The following HEXB variants were observed in gnomAD, a reference collection of about 807,000 sequenced individuals.
HEXB encodes hexosaminidase subunit beta.
HEXB carries 51 observed loss-of-function variants against 71.2 expected under a neutral mutation model. The ratio of observed to expected loss-of-function variants is 0.72; its 90% CI spans 0.57 to 0.90. The LOEUF (loss-of-function observed/expected upper bound fraction) is 0.90. Among genes scored for constraint, HEXB ranks in the 40% least tolerant of loss-of-function variants. The pLI, the probability that HEXB is intolerant of heterozygous loss-of-function variation, is 0.00. For missense variants in HEXB, 617 were observed against 677.0 expected (o/e 0.91, Z 0.98); for synonymous variants, 266 against 249.3 (o/e 1.07, Z -0.63).
At chr5:74,715,447 G>A (rs1328399764) in intron 7 of HEXB, 63 bp from the exon 8 acceptor site, 1 of 1,144,180 alleles carries the variant, frequency 8.7e-7, no homozygotes, top group Non-Finnish European at 1.3e-6. Flanking sequence ...AAAATCATGT[G>A]GAAAACCAGA....
intron 1 of HEXB, among the ~76,000 whole-genome samples, chr5:74,686,839 G>A (rs1195342253): frequency 6.6e-6 from 1 of 152,148 alleles, no homozygotes; most frequent in Non-Finnish European, 1.5e-5. Context: ...TCATGACTAG[G>A]GTTGGAAATC....
At chr5:74,713,004 G>A (rs922987751) in intron 6 of HEXB, among the ~76,000 whole-genome samples, 3 of 152,038 alleles carry the variant, frequency 2.0e-5, no homozygotes, top group African/African-American at 7.2e-5. Context: ...GTCCTTTGAA[G>A]GACAACAGCT....
intron 1 of HEXB, among the ~76,000 whole-genome samples, chr5:74,675,208 C>T (rs1748609506): frequency 6.6e-6 from 1 of 152,144 alleles, no homozygotes; most frequent in Admixed American, 6.5e-5. Flanking sequence ...CTGCTGAAGG[C>T]AGGCCAGGGT....
At chr5:74,712,910 TGAGG>T (rs1749583076) in intron 6 of HEXB, among the ~76,000 whole-genome samples, 3 of 152,156 alleles carry the variant, frequency 2.0e-5, no homozygotes, top group Admixed American at 1.3e-4. Flanking sequence ...ATAAAGGGAC[TGAGG>T]TAATCATTAA....
intron 1 of HEXB, among the ~76,000 whole-genome samples, chr5:74,665,784 G>C (rs820856): frequency 0.27 from 40,745 of 151,992 alleles, 5,611 homozygotes; most frequent in Non-Finnish European, 0.3. Flanking sequence ...CCAGTTCCCT[G>C]TGAGTGTCCA....
intron 2 of HEXB, among the ~76,000 whole-genome samples, chr5:74,692,069 G>C (rs1267363806): frequency 6.6e-6 from 1 of 152,108 alleles, no homozygotes; most frequent in South Asian, 2.1e-4. Flanking sequence ...AAAATAATTG[G>C]TATCAAATAT....
intron 7 of HEXB, among the ~76,000 whole-genome samples, 179 bp from the exon 8 acceptor site, chr5:74,715,331 G>A (rs769716953): frequency 5.9e-5 from 9 of 152,174 alleles, no homozygotes; most frequent in Non-Finnish European, 7.3e-5. Context: ...GAGGCAAAGA[G>A]ACAGGATTCA....
intron 1 of HEXB, among the ~76,000 whole-genome samples, chr5:74,657,509 C>T (rs532222149): frequency 3.3e-4 from 50 of 152,330 alleles, no homozygotes; most frequent in African/African-American, 1.2e-3. Flanking sequence ...GCACTTATCA[C>T]CACTTCACAA....
chr5:74,677,769 A>G (rs983463855), intron 1 of HEXB, among the ~76,000 whole-genome samples: 1 of 152,064 alleles, frequency 6.6e-6, no homozygotes, highest in African/African-American at 2.4e-5. Flanking sequence ...GATTAATTAT[A>G]TAGCAGTGAA....
intron 5 of HEXB, among the ~76,000 whole-genome samples, chr5:74,697,746 A>G (rs1036814826): frequency 1.4e-5 from 2 of 145,856 alleles, no homozygotes; most frequent in East Asian, 2.0e-4. Flanking sequence ...AAAAAAAAAA[A>G]GGAATACGTG....
intron 6 of HEXB, among the ~76,000 whole-genome samples, chr5:74,711,462 G>A (rs1451323201): frequency 1.3e-5 from 2 of 152,082 alleles, no homozygotes; most frequent in African/African-American, 4.8e-5. Context: ...AAGAGCTTCT[G>A]CACAGGAAAA....
At chr5:74,671,922 T>G (rs912074395) in intron 1 of HEXB, among the ~76,000 whole-genome samples, 1 of 152,184 alleles carries the variant, frequency 6.6e-6, no homozygotes, top group Non-Finnish European at 1.5e-5. Flanking sequence ...TAGGAAAGTA[T>G]TCTCCTCACA....
rs777471786 is a variant in HEXB, at chr5:74,720,699, T to A, written c.1565T>A (p.Met522Lys). The A allele has an allele frequency of 6.2e-7, 1 of 1,614,106 alleles. No individual in the cohort carries two copies. The highest frequency in any genetic ancestry group is 8.5e-7 in the Non-Finnish European group (1 of 1,180,034). The stretch of plus-strand genomic sequence containing the variant: ...TGGAGTTCCAAAGATGTCAGAGATA[T>A]GGATGACGCCTATGACAGACTGACA... ...RLWSSKDVRD[M>K]DDAYDRLTRH... The change falls in exon 13 of 14, where the codon ATG becomes AAG. Residue 522 changes from methionine (M) to lysine (K), a missense_variant. By Grantham distance (95) the Met-to-Lys change is moderately conservative (BLOSUM62 -1). Transcript: ENST00000261416.
At chr5:74,716,428 TTAAGA>T (rs1207175361) in intron 8 of HEXB, among the ~76,000 whole-genome samples, 154 bp from the exon 9 acceptor site, 4 of 152,222 alleles carry the variant, frequency 2.6e-5, no homozygotes, top group African/African-American at 4.8e-5. Flanking sequence ...CAATGGATAA[TTAAGA>T]TAACTTGTAA....
intron 1 of HEXB, among the ~76,000 whole-genome samples, chr5:74,686,651 T>C (rs1167089145): frequency 6.6e-6 from 1 of 152,242 alleles, no homozygotes; most frequent in African/African-American, 2.4e-5. Flanking sequence ...GGTTTCCTTC[T>C]GTTTTGTACA....
intron 6 of HEXB, among the ~76,000 whole-genome samples, chr5:74,712,407 G>A (rs1415854639): frequency 2.0e-5 from 3 of 150,296 alleles, no homozygotes; most frequent in African/African-American, 7.4e-5. Flanking sequence ...TTGTGCACAT[G>A]TACCCTAAAA....
chr5:74,681,925 CTT>C (rs1748746048), upstream of HEXB, among the ~76,000 whole-genome samples: 1 of 152,232 alleles, frequency 6.6e-6, no homozygotes, highest in African/African-American at 2.4e-5. Context: ...GTGGCTTCCT[CTT>C]TGCTGTCTTT....
intron 7 of HEXB, among the ~76,000 whole-genome samples, chr5:74,713,985 C>T (rs897875933): frequency 3.3e-5 from 5 of 152,298 alleles, no homozygotes; most frequent in East Asian, 1.9e-4. Context: ...GGACTACAGG[C>T]GCCCGCCACC....
intron 1 of HEXB, among the ~76,000 whole-genome samples, chr5:74,644,570 G>T (rs1747965865): frequency 6.6e-6 from 1 of 152,002 alleles, no homozygotes; most frequent in Admixed American, 6.6e-5. Flanking sequence ...AAAAACACAG[G>T]TAATCGATAC....
Sources: gnomAD v4.1 joint callset for allele counts (sites outside exome capture counted in the v4.1 genomes callset) on GRCh38, gnomAD v4.1.1 for gene constraint, MANE v1.5 for transcripts, NCBI Gene and HGNC (gene_info 2026-07-23, HGNC 2026-07-21) for gene names.